Variants in SGCZ observed in about 807,000 individuals in gnomAD.
The protein encoded by SGCZ is sarcoglycan zeta.
In SGCZ, 40 loss-of-function variants were observed where a neutral mutation model predicts 41.3. The ratio of observed to expected loss-of-function variants is 0.97; its 90% CI spans 0.75 to 1.26. The LOEUF (loss-of-function observed/expected upper bound fraction) is 1.26, where lower values mean the gene tolerates loss of function less well. Ranked by LOEUF, SGCZ falls within the 50% of genes most tolerant of loss-of-function variation. The probability of loss-of-function intolerance (pLI) is 0.00; values close to 1 mark genes in which losing one functional copy is unlikely to be tolerated. For missense variants in SGCZ, 552 were observed against 369.8 expected, an observed-to-expected ratio of 1.49 and a Z score of -4.04; for synonymous variants, 206 against 137.5, an observed-to-expected ratio of 1.50 and a Z score of -3.49.
intron 2 of SGCZ, among the ~76,000 whole-genome samples, chr8:14,332,870 A>C (rs1359005124): frequency 2.0e-5 from 3 of 150,654 alleles, no homozygotes; most frequent in African/African-American, 7.3e-5. Context: ...GTTCTCCTAT[A>C]TAGGTTTGTA....
At chr8:14,405,045 T>G (rs1799174081) in intron 2 of SGCZ, among the ~76,000 whole-genome samples, 1 of 152,196 alleles carries the variant, frequency 6.6e-6, no homozygotes, top group African/African-American at 2.4e-5. Context: ...GCTGTCGTCT[T>G]CCTCCATGTG....
At chr8:14,255,792 A>G (rs1799442721) in intron 3 of SGCZ, among the ~76,000 whole-genome samples, 1 of 152,116 alleles carries the variant, frequency 6.6e-6, no homozygotes, top group South Asian at 2.1e-4. Context: ...AAGTAGAAAT[A>G]AAGAGATTTG....
At chr8:14,881,560 G>T (rs960838295) in intron 1 of SGCZ, among the ~76,000 whole-genome samples, 3 of 152,128 alleles carry the variant, frequency 2.0e-5, no homozygotes, top group African/African-American at 7.2e-5. Flanking sequence ...TCTGGAGTGA[G>T]CCATGGCCCT....
chr8:14,152,922 G>A lies in SGCZ; in HGVS notation c.547+11658C>T, dbSNP rs116937550. ...TTATGCTGAGTGAAAAAGAAAATCC[G>A]GAAAGGTAAGTAAATACCATATGAT... is the stretch of plus-strand genomic sequence containing the variant. On this transcript the variant is annotated intron_variant, in intron 5 of 7. Coordinates refer to ENST00000382080, the MANE Select transcript of SGCZ (RefSeq NM_139167.4). Among the ~76,000 whole-genome samples, 550 of 152,112 alleles carry A rather than the reference G, an allele frequency of 3.6e-3. 6 individuals carry two copies. The highest frequency in any genetic ancestry group is 5.8e-3 in the Non-Finnish European group (394 of 67,984).
At chr8:14,105,147 C>T (rs1045564926) in intron 6 of SGCZ, among the ~76,000 whole-genome samples, 3 of 151,866 alleles carry the variant, frequency 2.0e-5, no homozygotes, top group Admixed American at 2.0e-4. Flanking sequence ...AATATAGACT[C>T]CTAGTACAAA....
intron 1 of SGCZ, among the ~76,000 whole-genome samples, chr8:14,908,446 A>AT (rs1799182956): frequency 6.6e-6 from 1 of 152,282 alleles, no homozygotes; most frequent in African/African-American, 2.4e-5. Flanking sequence ...CAAGTTACAG[A>AT]TTTTTGTTAA....
intron 1 of SGCZ, among the ~76,000 whole-genome samples, chr8:14,959,768 T>A (rs1021211900): frequency 6.6e-6 from 1 of 152,184 alleles, no homozygotes; most frequent in Admixed American, 6.6e-5. Flanking sequence ...ATATCTTTTC[T>A]TTCACCACCT....
chr8:14,769,579 G>T (rs1314886977), intron 1 of SGCZ, among the ~76,000 whole-genome samples: 2 of 151,928 alleles, frequency 1.3e-5, no homozygotes, highest in African/African-American at 4.8e-5. Flanking sequence ...ATCATCTGAG[G>T]TCGGGAGTTC....
chr8:14,157,342 G>A (rs1293338093), intron 5 of SGCZ, among the ~76,000 whole-genome samples: 2 of 100,544 alleles, frequency 2.0e-5, no homozygotes, highest in African/African-American at 3.2e-5. Flanking sequence ...GCCTCTGTGT[G>A]TGTGTGTGTG....
chr8:15,006,116 T>C lies in SGCZ; in HGVS notation c.39+231469A>G, dbSNP rs1316397533. On this transcript the variant is annotated intron_variant, in intron 1 of 7. Transcript: ENST00000382080. ...TATATATTATTGTATTTTATATTTA[T>C]GCATTGTGGGAAAGAGAGAGGAATA... Among the ~76,000 whole-genome samples, 3 of 152,200 alleles carry C rather than the reference T, an allele frequency of 2.0e-5. No individual in the cohort carries two copies. The South Asian group carries it at 6.2e-4, about 31-fold the overall frequency.
chr8:14,977,880 T>TACACACACACACACACACAC (rs10562709), intron 1 of SGCZ, among the ~76,000 whole-genome samples: 3 of 149,532 alleles, frequency 2.0e-5, no homozygotes, highest in Non-Finnish European at 4.5e-5. Context: ...AGAACAATTT[T>TACACACACACACACACACAC]ACACACACAC....
intron 1 of SGCZ, among the ~76,000 whole-genome samples, chr8:14,981,890 C>T (rs1801673091): frequency 6.6e-6 from 1 of 152,154 alleles, no homozygotes; most frequent in South Asian, 2.1e-4. Flanking sequence ...TGGCTCACAC[C>T]TGTAATCCCA....
intron 1 of SGCZ, among the ~76,000 whole-genome samples, chr8:15,172,758 G>A (rs940516406): frequency 2.6e-5 from 4 of 152,082 alleles, no homozygotes; most frequent in East Asian, 1.9e-4. Flanking sequence ...TTCATAATGC[G>A]CTTTACTGCT....
chr8:14,839,053 T>C (rs1352743400), intron 1 of SGCZ, among the ~76,000 whole-genome samples: 2 of 152,084 alleles, frequency 1.3e-5, no homozygotes, highest in African/African-American at 2.4e-5. Context: ...AAAAGAATAA[T>C]GCTGGCAAGA....
intron 2 of SGCZ, among the ~76,000 whole-genome samples, chr8:14,444,265 G>A (rs1222443202): frequency 6.6e-6 from 1 of 152,080 alleles, no homozygotes; most frequent in Non-Finnish European, 1.5e-5. Context: ...GATTCCTCAG[G>A]GATCTAGAAC....
intron 1 of SGCZ, among the ~76,000 whole-genome samples, chr8:15,008,010 C>A (rs1342878262): frequency 1.3e-5 from 2 of 152,116 alleles, no homozygotes; most frequent in Admixed American, 1.3e-4. Context: ...TAAGTCAATT[C>A]TAACTTGATA....
At chr8:14,419,278 C>T (rs1224854151) in intron 2 of SGCZ, among the ~76,000 whole-genome samples, 1 of 151,890 alleles carries the variant, frequency 6.6e-6, no homozygotes. Context: ...AAAAAAATGT[C>T]CTAACAGCTA....
chr8:15,041,300 T>A (rs1243019617), intron 1 of SGCZ, among the ~76,000 whole-genome samples: 1 of 151,960 alleles, frequency 6.6e-6, no homozygotes, highest in Non-Finnish European at 1.5e-5. Context: ...AACCCTTGTT[T>A]ACATATTTCA....
chr8:14,189,019 C>CTTTTTTTT (rs60448346), intron 4 of SGCZ, among the ~76,000 whole-genome samples: 1 of 142,420 alleles, frequency 7.0e-6, no homozygotes, highest in Non-Finnish European at 1.5e-5. Flanking sequence ...CCACGCCCAG[C>CTTTTTTTT]TTTTTTTTTT....
Sources: allele counts gnomAD v4.1 joint callset (sites outside exome capture counted in the v4.1 genomes callset), GRCh38; gene constraint gnomAD v4.1.1; transcripts MANE v1.5; gene names NCBI Gene and HGNC (gene_info 2026-07-23, HGNC 2026-07-21).